Variants in ZFPM2 observed in about 807,000 individuals in gnomAD.
ZFPM2 encodes zinc finger protein ZFPM2.
In ZFPM2, 20 loss-of-function variants were observed where a neutral mutation model predicts 98.6. That is an observed-to-expected ratio of 0.20 (90% confidence interval 0.14 to 0.29). The LOEUF (loss-of-function observed/expected upper bound fraction) is 0.29. Among genes scored for constraint, ZFPM2 ranks in the 10% least tolerant of loss-of-function variants. ZFPM2 has a pLI of 1.00. For synonymous variants in ZFPM2, 518 were observed against 502.7 expected (o/e 1.03, Z -0.41); for missense variants, 1,310 against 1,388.6 (o/e 0.94, Z 0.90).
chr8:105,785,641 C>T (rs1406853996), intron 5 of ZFPM2, among the ~76,000 whole-genome samples: 27 of 152,204 alleles, frequency 1.8e-4, no homozygotes, highest in East Asian at 1.2e-3. Flanking sequence ...CCATGGCTCA[C>T]GCCTGCAATC....
chr8:105,533,289 T>C (rs918064680), intron 3 of ZFPM2, among the ~76,000 whole-genome samples: 1 of 152,062 alleles, frequency 6.6e-6, no homozygotes, highest in Non-Finnish European at 1.5e-5. Context: ...GAGAAAATGT[T>C]TATAGATTTT....
At chr8:105,700,432 T>G (rs1427020669) in intron 5 of ZFPM2, among the ~76,000 whole-genome samples, 2 of 152,222 alleles carry the variant, frequency 1.3e-5, no homozygotes, top group Non-Finnish European at 2.9e-5. Context: ...ATTTGATTAA[T>G]AATACATATT....
chr8:105,585,421 G>A (rs770367626), intron 4 of ZFPM2, among the ~76,000 whole-genome samples: 2 of 152,096 alleles, frequency 1.3e-5, no homozygotes, highest in Non-Finnish European at 2.9e-5. Context: ...CTTATTATTT[G>A]TCTGAAATGC....
rs148897459 is a variant in ZFPM2 at position 105,430,675 on chromosome 8, G to T, written c.199+11373G>T. ...ACTAAGGGAGGAGACGCTGTTGGAAGACCTTGTAGTAAAAATAGTCTGAAT... is the reference window on the plus strand; with the variant it reads ...ACTAAGGGAGGAGACGCTGTTGGAATACCTTGTAGTAAAAATAGTCTGAAT... On this transcript the variant is annotated intron_variant, in intron 2 of 7. Transcript: ENST00000407775. 3.3e-5 allele frequency among the ~76,000 whole-genome samples: 5 copies of T among 152,306 alleles called. No individual in the cohort carries two copies. The East Asian group carries it at 9.7e-4, about 29-fold the overall frequency.
intron 5 of ZFPM2, among the ~76,000 whole-genome samples, chr8:105,769,924 C>T (rs925467141): frequency 9.2e-5 from 14 of 151,922 alleles, no homozygotes; most frequent in African/African-American, 3.4e-4. Flanking sequence ...CCTTGTTTCA[C>T]CTCCATTTTA....
intron 3 of ZFPM2, among the ~76,000 whole-genome samples, chr8:105,542,376 C>T (rs189878635): frequency 1.3e-5 from 2 of 152,052 alleles, no homozygotes; most frequent in Admixed American, 6.6e-5. Flanking sequence ...TGTGTTAAAT[C>T]GTTTTGGTTG....
In ZFPM2 at chr8:105,550,955, C is replaced by T. The variant is rs541427539; in HGVS notation, c.302-10408C>T. Among the ~76,000 whole-genome samples, 10 of 152,204 alleles carry T rather than the reference C, an allele frequency of 6.6e-5. No individual in the cohort carries two copies. The South Asian group carries it at 8.3e-4, about 13-fold the overall frequency. ...GAATATATGCAACCGTGAAGATATG[C>T]GATTGTTAATCAGAGACTCCAGAAT... On this transcript the variant is annotated intron_variant, in intron 3 of 7. Coordinates refer to ENST00000407775, the MANE Select transcript of ZFPM2 (RefSeq NM_012082.4).
In ZFPM2 at chr8:105,754,477, A is replaced by T. The variant is rs569802262; in HGVS notation, c.533-34241A>T. Among the ~76,000 whole-genome samples the T allele has an allele frequency of 3.0e-4, 45 of 152,230 alleles. 1 individual carries two copies. Among genetic ancestry groups the T allele is most frequent in the Non-Finnish European group, 5.3e-4 (36 of 68,020 alleles). On this transcript the variant is annotated intron_variant, in intron 5 of 7. Transcript: ENST00000407775. The stretch of plus-strand genomic sequence containing the variant: ...TTCGAAGCTCTGTCATACCATGCAG[A>T]GATGAAAAGTTCAAGATGAGGTGAC...
At chr8:105,422,995 T>A (rs12677825) in intron 2 of ZFPM2, among the ~76,000 whole-genome samples, 5 of 151,900 alleles carry the variant, frequency 3.3e-5, no homozygotes, top group African/African-American at 9.7e-5. Context: ...ATGGCTCTTA[T>A]TATTGTAACA....
chr8:105,650,742 C>G (rs1817153919), intron 5 of ZFPM2, among the ~76,000 whole-genome samples: 1 of 152,234 alleles, frequency 6.6e-6, no homozygotes, highest in Middle Eastern at 3.4e-3. Context: ...GTCTGAGAGA[C>G]AGTTTGTTTT....
chr8:105,320,472 T>C (rs1812004575), intron 1 of ZFPM2, among the ~76,000 whole-genome samples: 3 of 152,360 alleles, frequency 2.0e-5, no homozygotes, highest in African/African-American at 7.2e-5. Context: ...TCAGAATGAT[T>C]ATTCATGGTT....
At chr8:105,504,726 G>A (rs1439933679) in intron 3 of ZFPM2, among the ~76,000 whole-genome samples, 4 of 152,110 alleles carry the variant, frequency 2.6e-5, no homozygotes, top group Non-Finnish European at 4.4e-5. Flanking sequence ...TTCTGACACC[G>A]TATAATAATG....
At chr8:105,772,308 G>A (rs1812995478) in intron 5 of ZFPM2, among the ~76,000 whole-genome samples, 1 of 152,146 alleles carries the variant, frequency 6.6e-6, no homozygotes, top group African/African-American at 2.4e-5. Flanking sequence ...CACAGTAACA[G>A]ATGGGAGAAG....
At chr8:105,780,933 T>C (rs1456313809) in intron 5 of ZFPM2, among the ~76,000 whole-genome samples, 1 of 152,226 alleles carries the variant, frequency 6.6e-6, no homozygotes, top group East Asian at 1.9e-4. Flanking sequence ...AAAATGGACG[T>C]CTTCTCTACT....
chr8:105,748,546 C>A (rs1464724996), intron 5 of ZFPM2, among the ~76,000 whole-genome samples: 1 of 152,004 alleles, frequency 6.6e-6, no homozygotes, highest in East Asian at 1.9e-4. Flanking sequence ...CTTTCCCCAG[C>A]AGACAAAATA....
intron 2 of ZFPM2, among the ~76,000 whole-genome samples, chr8:105,420,129 G>A (rs373227383): frequency 1.3e-5 from 2 of 152,158 alleles, no homozygotes; most frequent in South Asian, 2.1e-4. Flanking sequence ...GACTGGAAGT[G>A]TATGTTTCTG....
intron 4 of ZFPM2, among the ~76,000 whole-genome samples, chr8:105,588,236 TC>T (rs1815767296): frequency 6.6e-6 from 1 of 152,144 alleles, no homozygotes; most frequent in African/African-American, 2.4e-5. Context: ...GCTACATATA[TC>T]GGGCAGAGAC....
intron 5 of ZFPM2, among the ~76,000 whole-genome samples, chr8:105,762,436 G>A (rs1269464708): frequency 6.6e-6 from 1 of 151,832 alleles, no homozygotes; most frequent in Non-Finnish European, 1.5e-5. Flanking sequence ...ATTACAGGAG[G>A]GTTCATAGCT....
intron 5 of ZFPM2, among the ~76,000 whole-genome samples, chr8:105,717,166 T>A (rs891438283): frequency 6.6e-6 from 1 of 152,034 alleles, no homozygotes; most frequent in African/African-American, 2.4e-5. Flanking sequence ...CTGATAAGAA[T>A]CTGCTTGGAG....
Sources: allele counts gnomAD v4.1 joint callset (sites outside exome capture counted in the v4.1 genomes callset), GRCh38; gene constraint gnomAD v4.1.1; transcripts MANE v1.5; gene names NCBI Gene and HGNC (gene_info 2026-07-23, HGNC 2026-07-21).